Variants in ASXL1 observed in about 807,000 individuals in gnomAD.
The protein encoded by ASXL1 is ASXL transcriptional regulator 1.
In ASXL1, 65 loss-of-function variants were observed where a neutral mutation model predicts 89.1. The ratio of observed to expected loss-of-function variants is 0.73; its 90% CI spans 0.60 to 0.90. The LOEUF is 0.90. Ranked by LOEUF, ASXL1 falls within the 40% of genes least tolerant of loss-of-function variation. The pLI is 0.00. For missense variants in ASXL1, 1,786 were observed against 1,942.9 expected, an observed-to-expected ratio of 0.92 and a Z score of 1.52; for synonymous variants, 739 against 746.9, an observed-to-expected ratio of 0.99 and a Z score of 0.17.
intron 4 of ASXL1, among the ~76,000 whole-genome samples, chr20:32,415,507 G>T (rs934859368): frequency 6.6e-6 from 1 of 152,158 alleles, no homozygotes; most frequent in Non-Finnish European, 1.5e-5. Context: ...ACCTGAGGGG[G>T]TCTGACTGTT....
At chr20:32,404,854 G>T (rs915942265) in intron 4 of ASXL1, among the ~76,000 whole-genome samples, 7 of 152,022 alleles carry the variant, frequency 4.6e-5, no homozygotes, top group African/African-American at 1.7e-4. Flanking sequence ...GAATGTATTT[G>T]TTGAATTTTG....
At chr20:32,399,194 A>G (rs558153771) in intron 4 of ASXL1, among the ~76,000 whole-genome samples, 2 of 151,988 alleles carry the variant, frequency 1.3e-5, no homozygotes, top group South Asian at 4.2e-4. Flanking sequence ...CTGGGCGACA[A>G]GAGCAAGACT....
Position 32,418,467 on chromosome 20 carries a change from A to G in ASXL1, c.253-9661A>G, listed in dbSNP as rs186766478. On this transcript the variant is annotated intron_variant, in intron 4 of 12. Transcript: ENST00000375687. Reference sequence around the variant, plus strand: ...TTAATTGGGATTTAATTCATAGACCATACAGTTCACCAATTTAAAGTATAC... The same window carrying G: ...TTAATTGGGATTTAATTCATAGACCGTACAGTTCACCAATTTAAAGTATAC... Among the ~76,000 whole-genome samples the G allele has an allele frequency of 1.5e-3, 224 of 152,360 alleles. 1 individual carries two copies. The highest frequency in any genetic ancestry group is 5.0e-3 in the African/African-American group (207 of 41,596).
chr20:32,431,695 C>T lies in ASXL1; in HGVS notation c.979+16C>T. ...CTGGCTGATGGTATGTAGACTTGGT[C>T]ATCTCGGACGGCTTGCGACGCACCT... On this transcript the variant is annotated intron_variant, in intron 10 of 12. Coordinates refer to ENST00000375687, the MANE Select transcript of ASXL1 (RefSeq NM_015338.6). 1 of 1,611,350 alleles carries T rather than the reference C, an allele frequency of 6.2e-7. No individual in the cohort carries two copies. The highest frequency in any genetic ancestry group is 8.5e-7 in the Non-Finnish European group (1 of 1,179,630).
rs749118360 is a variant in ASXL1, at chr20:32,435,849, T to C, written c.3137T>C (p.Val1046Ala). Reference protein sequence around the residue: ...NWNQSAPLSKVNGDMRLVTRT... With the variant: ...NWNQSAPLSKANGDMRLVTRT... ...AACCAATCTGCCCCACTGTCCAAGGTGAATGGTGACATGCGTCTGGTTACA... is the reference window on the plus strand; with the variant it reads ...AACCAATCTGCCCCACTGTCCAAGGCGAATGGTGACATGCGTCTGGTTACA... The change falls in exon 13 of 13, where the codon GTG (valine) becomes GCG (alanine). Residue 1046 changes from valine to alanine, a missense_variant. Physicochemically the swap from Val to Ala is moderately conservative, Grantham distance 64 (BLOSUM62 0). Around this residue, in one of 3 missense-constraint regions of ASXL1, gnomAD observed 1,418 missense variants for 1,427.8 expected, o/e 0.99. Transcript: ENST00000375687. The C allele has an allele frequency of 6.2e-7, 1 of 1,613,930 alleles. No homozygotes were observed. Among genetic ancestry groups the C allele is most frequent in the African/African-American group, 1.3e-5 (1 of 74,876 alleles).
chr20:32,409,654 G>A (rs945896095), intron 4 of ASXL1, among the ~76,000 whole-genome samples: 4 of 152,018 alleles, frequency 2.6e-5, no homozygotes, highest in East Asian at 1.9e-4. Context: ...TGGGAGGATC[G>A]CTTGAGCCTA....
Position 32,435,332 on chromosome 20 carries a change from C to T in ASXL1, c.2620C>T (p.Pro874Ser), listed in dbSNP as rs778687016. 6.2e-6 allele frequency: 10 copies of T among 1,614,030 alleles called. No homozygotes were observed. The highest frequency in any genetic ancestry group is 2.2e-5 in the East Asian group (1 of 44,898). The change falls in exon 13 of 13, where the codon CCT (proline) becomes TCT (serine). Residue 874 changes from proline (P) to serine (S), a missense_variant. Physicochemically the swap from Pro to Ser is moderately conservative, Grantham distance 74 (BLOSUM62 -1). Around this residue, in one of 3 missense-constraint regions of ASXL1, gnomAD observed 1,418 missense variants for 1,427.8 expected, o/e 0.99. Transcript: ENST00000375687. ...ATTAGGGCTTGGTGGCTCATGCCCT[C>T]CTATGAGGGAAAGTGATACTAGACA... is the stretch of plus-strand genomic sequence containing the variant. The part of the protein sequence containing the change: ...DELGLGGSCP[P>S]MRESDTRQEN...
chr20:32,359,274 G>A, intron 1 of ASXL1: 1 of 702,130 alleles, frequency 1.4e-6, no homozygotes. Flanking sequence ...TCCGGGGGTG[G>A]AAAAGCGACC....
Position 32,434,921 on chromosome 20 carries a change from G to T in ASXL1, c.2209G>T (p.Val737Phe). The stretch of plus-strand genomic sequence containing the variant: ...AAGCTGCCTACTACAGAGGGCTACA[G>T]TTGGACTCACAGATGGGCTAGGAGA... ...EESCLLQRAT[V>F]GLTDGLGDAS... is the part of the protein sequence containing the mutation. The change falls in exon 13 of 13, where the codon GTT becomes TTT. Residue 737 changes from valine to phenylalanine, a missense_variant. Val to Phe is a conservative substitution (Grantham distance 50). Transcript: ENST00000375687. 6.2e-7 allele frequency: 1 copy of T among 1,614,212 alleles called. No homozygotes were observed. The highest frequency in any genetic ancestry group is 8.5e-7 in the Non-Finnish European group (1 of 1,180,034).
chr20:32,367,045 A>T (rs2048216189), intron 2 of ASXL1, among the ~76,000 whole-genome samples: 1 of 150,566 alleles, frequency 6.6e-6, no homozygotes, highest in Admixed American at 6.7e-5. Context: ...ACTATCTTTC[A>T]TCTTTCTTTT....
At position 32,429,505 on chromosome 20, in the gene ASXL1, C is replaced by G. The variant is rs2011452818; in HGVS notation, c.565+74C>G. On this transcript the variant is annotated intron_variant, in intron 7 of 12. Transcript: ENST00000375687. The surrounding 1 kb of genome is among the most constrained non-coding windows in gnomAD (Gnocchi z 4.9). The stretch of plus-strand genomic sequence containing the variant: ...CCTGGCCTCCCTCTGTCAGCAGTTT[C>G]TGACCTAATAGTGCGATACTAGGAG... The G allele has an allele frequency of 1.4e-6, 2 of 1,473,118 alleles. No individual in the cohort carries two copies. The highest frequency in any genetic ancestry group is 1.9e-6 in the Non-Finnish European group (2 of 1,053,122). The allele number at this position is 1,473,118 out of a possible 1,614,324, so 91.3% of individuals were successfully genotyped here.
chr20:32,388,465 C>A (rs1223686739), intron 4 of ASXL1, among the ~76,000 whole-genome samples: 1 of 152,182 alleles, frequency 6.6e-6, no homozygotes, highest in Admixed American at 6.5e-5. Context: ...CGTCAGCCAC[C>A]ATGCTTGGCC....
chr20:32,365,558 G>T (rs2048190400), intron 1 of ASXL1, among the ~76,000 whole-genome samples: 1 of 152,156 alleles, frequency 6.6e-6, no homozygotes, highest in African/African-American at 2.4e-5. Flanking sequence ...GGAGTACCCT[G>T]AGTAGCTGCA....
rs766317551 is a variant in ASXL1, at chr20:32,436,476, CA to C, written c.3767del (p.Asn1256MetfsTer24). 1 of 1,614,074 alleles carries C rather than the reference CA, an allele frequency of 6.2e-7. No individual in the cohort carries two copies. The highest frequency in any genetic ancestry group is 8.5e-7 in the Non-Finnish European group (1 of 1,180,048). Reference protein sequence around the residue: ...EVRAMSQDSNSNAAPGKSPGD... With the variant: ...EVRAMSQDSNXNAAPGKSPGD... The stretch of plus-strand genomic sequence containing the variant: ...CGTGCTATGTCACAGGACAGTAATT[CA>C]AATGCTGCTCCAGGAAAGAGCCCAG... On this transcript the variant is annotated frameshift_variant, in exon 13 of 13. Coordinates refer to ENST00000375687, the MANE Select transcript of ASXL1 (RefSeq NM_015338.6). LOFTEE classifies it high-confidence loss of function.
intron 4 of ASXL1, among the ~76,000 whole-genome samples, chr20:32,390,891 C>A (rs1156836632): frequency 6.6e-6 from 1 of 151,580 alleles, no homozygotes; most frequent in African/African-American, 2.4e-5. Context: ...CAATTTATTT[C>A]TTTTTTCTTT....
At chr20:32,394,379 C>A (rs2048726081) in intron 4 of ASXL1, among the ~76,000 whole-genome samples, 1 of 152,094 alleles carries the variant, frequency 6.6e-6, no homozygotes, top group South Asian at 2.1e-4. Context: ...CTCAAGTGAT[C>A]CCTGCCCTTG....
intron 1 of ASXL1, chr20:32,359,045 C>T: frequency 1.6e-6 from 1 of 609,726 alleles, no homozygotes; most frequent in Non-Finnish European, 2.9e-6. Context: ...GCCCTCGCGC[C>T]CCCCCCGCCC....
chr20:32,399,755 T>A (rs1038653247), intron 4 of ASXL1, among the ~76,000 whole-genome samples: 1 of 106,878 alleles, frequency 9.4e-6, no homozygotes, highest in African/African-American at 3.4e-5. Context: ...CTCTTTTTTT[T>A]TTTTTTTTTT....
rs1276856584 is a variant in ASXL1, at chr20:32,436,794, A to T, written c.4082A>T (p.His1361Leu). 1.2e-6 allele frequency: 2 copies of T among 1,614,178 alleles called. No homozygotes were observed. Among genetic ancestry groups the T allele is most frequent in the Admixed American group, 3.3e-5 (2 of 60,020 alleles). The change falls in exon 13 of 13, where the codon CAT becomes CTT. Residue 1361 changes from histidine (H) to leucine (L), a missense_variant. By Grantham distance (99) the His-to-Leu change is moderately conservative. This residue lies in a region of ASXL1 where 1,418 missense variants were observed against 1,427.8 expected (regional missense o/e 0.99). Coordinates refer to ENST00000375687, the MANE Select transcript of ASXL1 (RefSeq NM_015338.6). Reference protein sequence around the residue: ...TPREDWAPKPHAFVGSVKNEK... With the variant: ...TPREDWAPKPLAFVGSVKNEK... Reference sequence around the variant, plus strand: ...AGGGAAGACTGGGCTCCAAAGCCACATGCCTTTGTTGGCAGCGTCAAGAAT... The same window carrying T: ...AGGGAAGACTGGGCTCCAAAGCCACTTGCCTTTGTTGGCAGCGTCAAGAAT...
Sources: gnomAD v4.1 joint callset for allele counts (sites outside exome capture counted in the v4.1 genomes callset) on GRCh38, gnomAD v4.1.1 for gene constraint, gnomAD v4.1.1 regional missense constraint, Gnocchi (gnomAD v3.1) non-coding constraint, MANE v1.5 for transcripts, NCBI Gene and HGNC (gene_info 2026-07-23, HGNC 2026-07-21) for gene names.